TENM4: variants seen among roughly 807,000 people sequenced by gnomAD.
TENM4 encodes teneurin-4.
In TENM4, 82 loss-of-function variants were observed where a neutral mutation model predicts 243.3. That is an observed-to-expected ratio of 0.34 (90% CI 0.28 to 0.40). The LOEUF (loss-of-function observed/expected upper bound fraction) is 0.40. TENM4 is among the 10% of genes least tolerant of loss of function. The pLI is 1.00. For synonymous variants in TENM4, 1,412 were observed against 1,456.3 expected (o/e 0.97, Z 0.69); for missense variants, 3,138 against 3,673.3 (o/e 0.85, Z 3.77).
At chr11:78,832,748 A>G (rs561146146) in intron 12 of TENM4, among the ~76,000 whole-genome samples, 1 of 152,346 alleles carries the variant, frequency 6.6e-6, no homozygotes, top group East Asian at 1.9e-4. Context: ...AGTCTGCCCA[A>G]GGCAATGTAG....
At chr11:78,758,121 T>C (rs1400912288) in intron 18 of TENM4, among the ~76,000 whole-genome samples, 2 of 152,198 alleles carry the variant, frequency 1.3e-5, no homozygotes, top group Non-Finnish European at 2.9e-5. Flanking sequence ...GTACAGTCTA[T>C]GTGCTTTGTC....
chr11:78,872,963 A>G (rs1486069305), intron 9 of TENM4, among the ~76,000 whole-genome samples: 3 of 152,220 alleles, frequency 2.0e-5, no homozygotes, highest in Non-Finnish European at 4.4e-5. Flanking sequence ...GAATGAGGGC[A>G]GACAGCTTAA....
chr11:79,222,295 G>T lies in TENM4; in HGVS notation c.-264-6386C>A, dbSNP rs143620949. On this transcript the variant is annotated intron_variant, in intron 2 of 33. Coordinates refer to ENST00000278550, the MANE Select transcript of TENM4 (RefSeq NM_001098816.3). ...CTGTGTTAGTTTGCTGAGGATAATG[G>T]CTTCCAGCTCCATCCGTGTTCCTGA... Among the ~76,000 whole-genome samples, 402 of 152,236 alleles carry T rather than the reference G, an allele frequency of 2.6e-3. 3 individuals carry two copies. The highest frequency in any genetic ancestry group is 9.3e-3 in the African/African-American group (386 of 41,516).
intron 3 of TENM4, among the ~76,000 whole-genome samples, chr11:79,180,194 A>G (rs1322662743): frequency 1.3e-5 from 2 of 151,736 alleles, no homozygotes; most frequent in African/African-American, 2.4e-5. Flanking sequence ...AAGGAAAGAA[A>G]AAAACCCAAG....
intron 1 of TENM4, among the ~76,000 whole-genome samples, chr11:79,431,052 A>G (rs1400750530): frequency 2.6e-5 from 4 of 152,204 alleles, no homozygotes; most frequent in Admixed American, 2.0e-4. Flanking sequence ...TAGTTCAATT[A>G]ATAAATTAAA....
chr11:78,712,839 T>G (rs915521602), intron 25 of TENM4, 125 bp from the exon 26 acceptor site: 6 of 905,078 alleles, frequency 6.6e-6, no homozygotes, highest in Non-Finnish European at 9.9e-6. Flanking sequence ...ATGATGCCCC[T>G]ATTTTGGGTG....
intron 6 of TENM4, among the ~76,000 whole-genome samples, chr11:78,990,274 C>T (rs1466898689): frequency 6.6e-6 from 1 of 152,056 alleles, no homozygotes; most frequent in Non-Finnish European, 1.5e-5. Flanking sequence ...TATTTGGAAC[C>T]CAGGTGTTCT....
At chr11:78,943,120 C>G (rs1367646531) in intron 6 of TENM4, among the ~76,000 whole-genome samples, 1 of 152,204 alleles carries the variant, frequency 6.6e-6, no homozygotes, top group Non-Finnish European at 1.5e-5. Flanking sequence ...AACTCGATAT[C>G]CTTAATGAAT....
intron 6 of TENM4, among the ~76,000 whole-genome samples, chr11:78,923,986 C>T (rs1386201364): frequency 2.0e-5 from 3 of 151,826 alleles, no homozygotes; most frequent in African/African-American, 7.3e-5. Context: ...TCCCAAGTAG[C>T]TGGGATTACA....
chr11:79,061,523 C>G (rs914998054), intron 6 of TENM4, among the ~76,000 whole-genome samples: 2 of 152,186 alleles, frequency 1.3e-5, no homozygotes, highest in African/African-American at 4.8e-5. Flanking sequence ...CTATCAAAGG[C>G]TGAAACTCTT....
chr11:79,337,642 G>C (rs1857169279), intron 1 of TENM4, among the ~76,000 whole-genome samples: 1 of 152,196 alleles, frequency 6.6e-6, no homozygotes, highest in South Asian at 2.1e-4. Flanking sequence ...AAAAAGCAAA[G>C]GAAATGGGGA....
chr11:78,927,051 T>G (rs1377757997), intron 6 of TENM4, among the ~76,000 whole-genome samples: 2 of 152,256 alleles, frequency 1.3e-5, no homozygotes, highest in African/African-American at 4.8e-5. Context: ...TGTGCACTAA[T>G]ATTCAGTGAA....
At chr11:79,355,759 C>T (rs938322465) in intron 1 of TENM4, among the ~76,000 whole-genome samples, 1 of 152,152 alleles carries the variant, frequency 6.6e-6, no homozygotes, top group Non-Finnish European at 1.5e-5. Context: ...AAGAGGAAAA[C>T]TGAGACTAGA....
intron 6 of TENM4, among the ~76,000 whole-genome samples, chr11:79,064,212 A>G (rs1860178566): frequency 6.6e-6 from 1 of 152,192 alleles, no homozygotes; most frequent in African/African-American, 2.4e-5. Flanking sequence ...CTCCTAACTG[A>G]AACGCTGTAC....
intron 4 of TENM4, among the ~76,000 whole-genome samples, chr11:79,087,312 A>G (rs1860831106): frequency 1.3e-5 from 2 of 152,182 alleles, no homozygotes; most frequent in Admixed American, 1.3e-4. Context: ...CGAGGGTGAG[A>G]CAGACAAGGA....
chr11:79,143,012 A>G (rs1862319587), intron 4 of TENM4, among the ~76,000 whole-genome samples: 1 of 152,162 alleles, frequency 6.6e-6, no homozygotes, highest in African/African-American at 2.4e-5. Flanking sequence ...TGATCATTAA[A>G]AAGTCAGGAA....
intron 1 of TENM4, among the ~76,000 whole-genome samples, chr11:79,307,804 G>T (rs1218403441): frequency 1.3e-5 from 2 of 152,168 alleles, no homozygotes; most frequent in African/African-American, 4.8e-5. Flanking sequence ...TCCCCACCAA[G>T]GATCTTCCAG....
chr11:79,323,637 T>C (rs574022116), intron 1 of TENM4, among the ~76,000 whole-genome samples: 2 of 152,338 alleles, frequency 1.3e-5, no homozygotes, highest in African/African-American at 4.8e-5. Context: ...GTGATTAACA[T>C]TCACAATCAC....
intron 1 of TENM4, among the ~76,000 whole-genome samples, chr11:79,374,729 T>G (rs747829662): frequency 6.6e-6 from 1 of 151,958 alleles, no homozygotes; most frequent in Admixed American, 6.6e-5. Flanking sequence ...AGCTTTACTC[T>G]TGGTAGTTTA....
Sources: gnomAD v4.1 joint callset for allele counts (sites outside exome capture counted in the v4.1 genomes callset) on GRCh38, gnomAD v4.1.1 for gene constraint, MANE v1.5 for transcripts, NCBI Gene and HGNC (gene_info 2026-07-23, HGNC 2026-07-21) for gene names.